FMN1: variants seen among roughly 807,000 people sequenced by gnomAD.
FMN1 encodes formin 1.
In FMN1, 110 loss-of-function variants were observed where a neutral mutation model predicts 132.4. The observed-to-expected ratio is 0.83, with a 90% CI of 0.71 to 0.97. FMN1 has a LOEUF of 0.97. FMN1 is among the 50% of genes least tolerant of loss of function. The pLI is 0.00. For synonymous variants in FMN1, 722 were observed against 651.7 expected (o/e 1.11, Z -1.64); for missense variants, 1,792 against 1,705.3 (o/e 1.05, Z -0.90).
chr15:33,066,490 G>A, intron 5 of FMN1: 2 of 1,475,994 alleles, frequency 1.4e-6, no homozygotes, highest in South Asian at 1.4e-5. Flanking sequence ...ATGTTAAAAT[G>A]CAAAACCCAA....
In FMN1 at chr15:32,817,180, T is replaced by C. The variant is rs149502377; in HGVS notation, c.3929-12848A>G. 4.7e-3 allele frequency among the ~76,000 whole-genome samples: 716 copies of C among 152,262 alleles called. 11 individuals are homozygous for C. The highest frequency in any genetic ancestry group is 0.016 in the African/African-American group (660 of 41,552). On this transcript the variant is annotated intron_variant, in intron 17 of 20. Coordinates refer to ENST00000616417, the MANE Select transcript of FMN1 (RefSeq NM_001277313.2). Reference sequence around the variant, plus strand: ...AGCTGAAGCTCTCCCTCTAGAAAAATAATTGTTCAGATGTTTAGTCATAAA... The same window carrying C: ...AGCTGAAGCTCTCCCTCTAGAAAAACAATTGTTCAGATGTTTAGTCATAAA...
At position 32,898,833 on chromosome 15, in the gene FMN1, C is replaced by A; in HGVS notation, c.3714+1G>T. On this transcript the variant is annotated splice_donor_variant, in intron 15 of 20. Coordinates refer to ENST00000616417, the MANE Select transcript of FMN1 (RefSeq NM_001277313.2). LOFTEE classifies it high-confidence loss of function. ...CTTTTCCACGTAATACCATTTCTTA[C>A]CTGATCATAGTAACGCAGGTAATAC... 6.3e-7 allele frequency: 1 copy of A among 1,588,942 alleles called. No individual in the cohort carries two copies. Among genetic ancestry groups the A allele is most frequent in the African/African-American group, 1.3e-5 (1 of 74,318 alleles).
intron 4 of FMN1, among the ~76,000 whole-genome samples, chr15:33,140,401 A>G (rs7165347): frequency 0.44 from 66,473 of 151,664 alleles, 15,742 homozygotes; most frequent in South Asian, 0.55. Flanking sequence ...ATTACAGAGC[A>G]TCTGAAGTTC....
At chr15:32,883,550 A>C (rs2059823040) in intron 16 of FMN1, among the ~76,000 whole-genome samples, 2 of 137,762 alleles carry the variant, frequency 1.5e-5, no homozygotes, top group South Asian at 2.5e-4. Context: ...AAAGAATGAG[A>C]TCAAGCGGTA....
intron 9 of FMN1, among the ~76,000 whole-genome samples, chr15:32,957,173 A>C (rs2061788395): frequency 6.6e-6 from 1 of 152,044 alleles, no homozygotes; most frequent in South Asian, 2.1e-4. Context: ...AAACAAACAG[A>C]GATGATTTAT....
intron 2 of FMN1, among the ~76,000 whole-genome samples, chr15:33,183,398 A>G (rs1965770187): frequency 1.3e-5 from 2 of 152,246 alleles, no homozygotes; most frequent in Admixed American, 1.3e-4. Flanking sequence ...CACTGAGGAT[A>G]GAGAAATACC....
chr15:33,134,219 G>A (rs183280391), intron 4 of FMN1, among the ~76,000 whole-genome samples: 70 of 152,264 alleles, frequency 4.6e-4, no homozygotes, highest in Admixed American at 3.9e-3. Flanking sequence ...AAAGAGCTGG[G>A]ATTACAAGTG....
intron 16 of FMN1, among the ~76,000 whole-genome samples, chr15:32,864,063 A>C (rs1323205687): frequency 6.6e-6 from 1 of 152,218 alleles, no homozygotes; most frequent in African/African-American, 2.4e-5. Context: ...TTGCTTATTA[A>C]AGCTTGGCAC....
chr15:33,122,634 A>G (rs1419191619), intron 4 of FMN1, among the ~76,000 whole-genome samples: 1 of 152,208 alleles, frequency 6.6e-6, no homozygotes, highest in Non-Finnish European at 1.5e-5. Flanking sequence ...CACTAGTGAC[A>G]GGTACAATGT....
intron 7 of FMN1, among the ~76,000 whole-genome samples, chr15:32,979,630 T>C (rs2032493383): frequency 6.6e-6 from 1 of 150,394 alleles, no homozygotes; most frequent in Non-Finnish European, 1.5e-5. Flanking sequence ...AACAGTAATA[T>C]ATTTGTAAGT....
At chr15:32,969,529 T>G in intron 7 of FMN1, 52 bp from the exon 8 acceptor site, 1 of 1,569,746 alleles carries the variant, frequency 6.4e-7, no homozygotes, top group East Asian at 2.2e-5. Context: ...AAGAACAAAC[T>G]TAAGAATTTA....
At chr15:32,884,735 G>C (rs2059854232) in intron 16 of FMN1, among the ~76,000 whole-genome samples, 1 of 152,154 alleles carries the variant, frequency 6.6e-6, no homozygotes, top group South Asian at 2.1e-4. Context: ...CACAGTATCA[G>C]GGAAATTGAA....
chr15:32,965,801 A>C (rs57077925), intron 8 of FMN1, among the ~76,000 whole-genome samples: 7,652 of 152,248 alleles, frequency 0.05, 278 homozygotes, highest in Middle Eastern at 0.11. Context: ...GGAAGTTATA[A>C]AGTATAACAA....
In FMN1 at chr15:33,081,023, G is replaced by A. The variant is rs147459556; in HGVS notation, c.2043+7776C>T. Among the ~76,000 whole-genome samples, 117 of 152,294 alleles carry A rather than the reference G, an allele frequency of 7.7e-4. No individual in the cohort carries two copies. In the East Asian group the frequency reaches 0.021, roughly 27 times the overall value. On this transcript the variant is annotated intron_variant, in intron 5 of 20. Coordinates refer to ENST00000616417, the MANE Select transcript of FMN1 (RefSeq NM_001277313.2). ...GATGATGCAGGCCCATTTACCAGATGTGGCAATAACTCAAGCCACTCGGAC... is the reference window on the plus strand; with the variant it reads ...GATGATGCAGGCCCATTTACCAGATATGGCAATAACTCAAGCCACTCGGAC...
intron 7 of FMN1, among the ~76,000 whole-genome samples, chr15:32,980,126 A>G (rs2032534797): frequency 6.6e-6 from 1 of 152,148 alleles, no homozygotes; most frequent in African/African-American, 2.4e-5. Context: ...CTCTAAAAGA[A>G]GCTAGGAGGG....
At chr15:33,125,120 A>G (rs539721307) in intron 4 of FMN1, among the ~76,000 whole-genome samples, 3 of 152,178 alleles carry the variant, frequency 2.0e-5, no homozygotes, top group Admixed American at 6.5e-5. Flanking sequence ...AGAACATTAC[A>G]TCTAGGGAGG....
intron 4 of FMN1, among the ~76,000 whole-genome samples, chr15:33,133,073 A>T (rs1963616103): frequency 6.6e-6 from 1 of 152,228 alleles, no homozygotes; most frequent in African/African-American, 2.4e-5. Context: ...ATAGGGGGCC[A>T]AGCACTGCAT....
chr15:33,086,539 AG>A (rs2038703577), intron 5 of FMN1, among the ~76,000 whole-genome samples: 1 of 152,196 alleles, frequency 6.6e-6, no homozygotes, highest in African/African-American at 2.4e-5. Flanking sequence ...AGAAATACAC[AG>A]TTTAGCCAAT....
chr15:33,166,419 G>A (rs1292054572), intron 3 of FMN1, among the ~76,000 whole-genome samples: 3 of 151,712 alleles, frequency 2.0e-5, no homozygotes, highest in Non-Finnish European at 4.4e-5. Flanking sequence ...TTTTAAAAAT[G>A]TATTGCTGGA....
Sources: gnomAD v4.1 joint callset for allele counts (sites outside exome capture counted in the v4.1 genomes callset) on GRCh38, gnomAD v4.1.1 for gene constraint, MANE v1.5 for transcripts, NCBI Gene and HGNC (gene_info 2026-07-23, HGNC 2026-07-21) for gene names.